PIEZO2: variants seen among roughly 807,000 people sequenced by gnomAD.
The protein encoded by PIEZO2 is piezo-type mechanosensitive ion channel component 2.
PIEZO2 carries 172 observed loss-of-function variants against 337.3 expected under a neutral mutation model. The ratio of observed to expected loss-of-function variants is 0.51; its 90% CI spans 0.45 to 0.58. PIEZO2 has a LOEUF of 0.58. Among genes scored for constraint, PIEZO2 ranks in the 20% least tolerant of loss-of-function variants. PIEZO2 has a pLI of 0.00. For synonymous variants in PIEZO2, 1,251 were observed against 1,228.5 expected (o/e 1.02, Z -0.38); for missense variants, 3,028 against 3,391.3 (o/e 0.89, Z 2.66).
At chr18:10,729,382 T>C (rs905460993) in intron 36 of PIEZO2, among the ~76,000 whole-genome samples, 1 of 152,120 alleles carries the variant, frequency 6.6e-6, no homozygotes, top group Admixed American at 6.5e-5. Context: ...TCCCAGCACT[T>C]TGGGAGACCA....
rs2038193666 is a variant in PIEZO2, at chr18:10,762,819, A to G, written c.3123+103T>C. 2.2e-6 allele frequency: 3 copies of G among 1,392,804 alleles called. No homozygotes were observed. The African/African-American group carries it at 4.3e-5, about 20-fold the overall frequency. The allele number at this position is 1,392,804 out of a possible 1,614,324, so 86.3% of individuals were successfully genotyped here. ...GACCAGCCAGGGAGAGGTGACTTAC[A>G]AGCCAGGTCAGGCCAAATGTGCTTG... On this transcript the variant is annotated intron_variant, in intron 22 of 55. Transcript: ENST00000674853.
chr18:10,760,101 A>G (rs1027915398), intron 24 of PIEZO2, among the ~76,000 whole-genome samples, 192 bp from the exon 25 acceptor site: 1 of 152,186 alleles, frequency 6.6e-6, no homozygotes, highest in African/African-American at 2.4e-5. Flanking sequence ...GATTACTCCC[A>G]GGGAAAAACT....
intron 4 of PIEZO2, among the ~76,000 whole-genome samples, chr18:10,891,763 T>A (rs1307386610): frequency 1.3e-5 from 2 of 152,122 alleles, no homozygotes; most frequent in South Asian, 4.1e-4. Context: ...AATTCCAAAT[T>A]TTTCAGAAAT....
chr18:10,753,650 G>A (rs796526975), intron 27 of PIEZO2, among the ~76,000 whole-genome samples: 3 of 152,294 alleles, frequency 2.0e-5, no homozygotes, highest in African/African-American at 7.2e-5. Context: ...AGAAACATAG[G>A]AGAACCAATT....
rs537093159 is a variant in PIEZO2 at position 10,833,538 on chromosome 18, G to A, written c.917+21815C>T. Among the ~76,000 whole-genome samples, 18 of 152,196 alleles carry A rather than the reference G, an allele frequency of 1.2e-4. No homozygotes were observed. The South Asian group carries it at 3.7e-3, about 32-fold the overall frequency. On this transcript the variant is annotated intron_variant, in intron 7 of 55. Transcript: ENST00000674853. The surrounding 1 kb of genome is among the most constrained non-coding windows in gnomAD (Gnocchi z 4.7). ...TTGGAGTTCAGAATAACCCGTCTGT[G>A]CCCCCAGTTACTACAAGGATGAGAG...
chr18:10,720,234 G>GTGTGTGTGTATA (rs1225106343), intron 36 of PIEZO2, among the ~76,000 whole-genome samples: 1 of 119,920 alleles, frequency 8.3e-6, no homozygotes, highest in East Asian at 2.8e-4. Context: ...GTGTGTGTGT[G>GTGTGTGTGTATA]TATATATATA....
chr18:10,903,713 A>G lies in PIEZO2; in HGVS notation c.329+7473T>C, dbSNP rs769958813. Among the ~76,000 whole-genome samples the G allele has an allele frequency of 1.1e-4, 16 of 152,094 alleles. 1 individual carries two copies. Among genetic ancestry groups the G allele is most frequent in the Non-Finnish European group, 1.0e-4 (7 of 68,012 alleles). On this transcript the variant is annotated intron_variant, in intron 4 of 55. Coordinates refer to ENST00000674853, the MANE Select transcript of PIEZO2 (RefSeq NM_001378183.1). The surrounding 1 kb of genome is among the most constrained non-coding windows in gnomAD (Gnocchi z 4.1). ...CAAACTTCTTGGCATTGCCTATAAG[A>G]TACTTCCTGACATGGTTTCCACTCC... is the stretch of plus-strand genomic sequence containing the variant.
At position 10,813,007 on chromosome 18, in the gene PIEZO2, G is replaced by A. The variant is rs1041476528; in HGVS notation, c.918-5733C>T. Among the ~76,000 whole-genome samples, 2 of 148,118 alleles carry A rather than the reference G, an allele frequency of 1.4e-5. No homozygotes were observed. Among genetic ancestry groups the A allele is most frequent in the Admixed American group, 6.7e-5 (1 of 14,894 alleles). On this transcript the variant is annotated intron_variant, in intron 7 of 55. Transcript: ENST00000674853. The surrounding 1 kb of genome is among the most constrained non-coding windows in gnomAD (Gnocchi z 4.2). Reference sequence around the variant, plus strand: ...AACTTTTTTTTTTTTTTCTTGAGACGGAGTCTCACTCTGTCACCCGGGCTG... The same window carrying A: ...AACTTTTTTTTTTTTTTCTTGAGACAGAGTCTCACTCTGTCACCCGGGCTG...
chr18:10,777,077 C>T (rs2038816779), intron 18 of PIEZO2, among the ~76,000 whole-genome samples: 1 of 152,148 alleles, frequency 6.6e-6, no homozygotes, highest in Admixed American at 6.5e-5. Context: ...AACAGGATTC[C>T]CGGAGAAGCC....
At position 10,784,739 on chromosome 18, in the gene PIEZO2, T is replaced by C; in HGVS notation, c.2492+45A>G. ...CCAACCTAAGGTAGGGTTGAAGAGC[T>C]GCCTTCCTGCTAATAAGAGGTCTGT... On this transcript the variant is annotated intron_variant, in intron 17 of 55. Transcript: ENST00000674853. This position sits in a 1 kb window ranked among gnomAD's most constrained non-coding sequence, Gnocchi z 4.5. 1 of 1,456,478 alleles carries C rather than the reference T, an allele frequency of 6.9e-7. No homozygotes were observed. The highest frequency in any genetic ancestry group is 9.1e-7 in the Non-Finnish European group (1 of 1,100,588). 90.2% of individuals were successfully genotyped at this position (1,456,478 alleles called of 1,614,324 possible). A position where few individuals can be genotyped will look rare whatever the true frequency, so the allele number is the denominator to read the frequency against.
Position 10,854,686 on chromosome 18 carries a change from G to A in PIEZO2, c.917+667C>T, listed in dbSNP as rs185273439. On this transcript the variant is annotated intron_variant, in intron 7 of 55. Transcript: ENST00000674853. This position sits in a 1 kb window ranked among gnomAD's most constrained non-coding sequence, Gnocchi z 4.6. ...TTCTCCCTTTCTCTCTCACACCAGA[G>A]ACTTATGTATTTTCTTATTTATTTG... Among the ~76,000 whole-genome samples the A allele has an allele frequency of 1.3e-5, 2 of 152,260 alleles. No individual in the cohort carries two copies. Among genetic ancestry groups the A allele is most frequent in the African/African-American group, 4.8e-5 (2 of 41,562 alleles).
At chr18:10,889,189 A>G (rs1197017704) in intron 4 of PIEZO2, among the ~76,000 whole-genome samples, 1 of 152,204 alleles carries the variant, frequency 6.6e-6, no homozygotes, top group Non-Finnish European at 1.5e-5. Flanking sequence ...TAGGTTTCAA[A>G]TTCGGCTTTC....
At chr18:10,733,798 C>T (rs56337211) in intron 35 of PIEZO2, among the ~76,000 whole-genome samples, 34,539 of 152,028 alleles carry the variant, frequency 0.23, 4,164 homozygotes, top group Non-Finnish European at 0.27. Flanking sequence ...CAGCTGGATG[C>T]GCCTCTCTGG....
At position 10,853,136 on chromosome 18, in the gene PIEZO2, CT is replaced by C. The variant is rs1421230582; in HGVS notation, c.917+2216del. Among the ~76,000 whole-genome samples, 1 of 152,156 alleles carries C rather than the reference CT, an allele frequency of 6.6e-6. No homozygotes were observed. The highest frequency in any genetic ancestry group is 2.4e-5 in the African/African-American group (1 of 41,428). ...GAGCACTTCAAGTGAGCGAAGAGCA[CT>C]TCAAGTGAGCATGCGCACAACTCCA... is the stretch of plus-strand genomic sequence containing the variant. On this transcript the variant is annotated intron_variant, in intron 7 of 55. Transcript: ENST00000674853. This position sits in a 1 kb window ranked among gnomAD's most constrained non-coding sequence, Gnocchi z 4.2.
At chr18:10,978,756 A>C (rs574751783) in intron 3 of PIEZO2, among the ~76,000 whole-genome samples, 9 of 152,352 alleles carry the variant, frequency 5.9e-5, no homozygotes, top group Admixed American at 5.9e-4. Context: ...AAAACTGACA[A>C]GTTAAAACTG....
chr18:11,094,506 G>A lies in PIEZO2; in HGVS notation c.65-28284C>T, dbSNP rs953350889. Among the ~76,000 whole-genome samples the A allele has an allele frequency of 2.0e-5, 3 of 152,160 alleles. No homozygotes were observed. Among genetic ancestry groups the A allele is most frequent in the Admixed American group, 6.5e-5 (1 of 15,274 alleles). On this transcript the variant is annotated intron_variant, in intron 1 of 55. Transcript: ENST00000674853. The surrounding 1 kb of genome is among the most constrained non-coding windows in gnomAD (Gnocchi z 4.4). ...GACTCAGACAGTTGTAGGTGCCTGA[G>A]AGTAACAGCAGCAAGCCAGCAACTC... is the stretch of plus-strand genomic sequence containing the variant.
In PIEZO2 at chr18:10,775,699, A is replaced by G. The variant is rs2038758951; in HGVS notation, c.2535-1661T>C. On this transcript the variant is annotated intron_variant, in intron 18 of 55. Coordinates refer to ENST00000674853, the MANE Select transcript of PIEZO2 (RefSeq NM_001378183.1). This position sits in a 1 kb window ranked among gnomAD's most constrained non-coding sequence, Gnocchi z 4.3. ...AGGGTGCATTGAGGAGAGATCGTTC[A>G]ATGAAAGAATCAGAGGAAGACACTG... Among the ~76,000 whole-genome samples the G allele has an allele frequency of 6.6e-6, 1 of 152,218 alleles. No individual in the cohort carries two copies. The highest frequency in any genetic ancestry group is 1.5e-5 in the Non-Finnish European group (1 of 68,028).
Position 11,119,481 on chromosome 18 carries a change from AT to A in PIEZO2, c.64+29043del, listed in dbSNP as rs2039976586. On this transcript the variant is annotated intron_variant, in intron 1 of 55. Transcript: ENST00000674853. ...AAAAATAAAACCAAGTTATGGCTTAATTAAAACATCATCAATTGATAACTGC... is the reference window on the plus strand; with the variant it reads ...AAAAATAAAACCAAGTTATGGCTTAATAAAACATCATCAATTGATAACTGC... 2.0e-5 allele frequency among the ~76,000 whole-genome samples: 3 copies of A among 152,220 alleles called. No individual in the cohort carries two copies. The South Asian group carries it at 6.2e-4, about 31-fold the overall frequency.
intron 45 of PIEZO2, among the ~76,000 whole-genome samples, chr18:10,697,393 G>A (rs28490282): frequency 0.11 from 17,232 of 152,142 alleles, 1,851 homozygotes; most frequent in African/African-American, 0.26. Context: ...CCCCTTCTCA[G>A]GATAAGAGTG....
Sources: allele counts gnomAD v4.1 joint callset (sites outside exome capture counted in the v4.1 genomes callset), GRCh38; gene constraint gnomAD v4.1.1; non-coding constraint Gnocchi (gnomAD v3.1); transcripts MANE v1.5; gene names NCBI Gene and HGNC (gene_info 2026-07-23, HGNC 2026-07-21).